The following SLC7A14 variants were observed in gnomAD, a reference collection of about 807,000 sequenced individuals.
SLC7A14 encodes gamma-aminobutyric acid transporter SLC7A14.
SLC7A14 carries 37 observed loss-of-function variants against 60.2 expected under a neutral mutation model. That is an observed-to-expected ratio of 0.61 (90% CI 0.47 to 0.81). The LOEUF is 0.81. Among genes scored for constraint, SLC7A14 ranks in the 30% least tolerant of loss-of-function variants. The probability of loss-of-function intolerance (pLI) is 0.00; values close to 1 mark genes in which losing one functional copy is unlikely to be tolerated. For missense variants in SLC7A14, 886 were observed against 982.7 expected, an observed-to-expected ratio of 0.90 and a Z score of 1.32; for synonymous variants, 399 against 395.8, an observed-to-expected ratio of 1.01 and a Z score of -0.10.
At chr3:170,539,607 A>G (rs989353009) in intron 1 of SLC7A14, among the ~76,000 whole-genome samples, 1 of 152,120 alleles carries the variant, frequency 6.6e-6, no homozygotes, top group African/African-American at 2.4e-5. Flanking sequence ...TTCCCTCTAG[A>G]CTGCAAACTC....
chr3:170,473,622 G>C (rs1441615300), intron 7 of SLC7A14, among the ~76,000 whole-genome samples: 2 of 152,342 alleles, frequency 1.3e-5, no homozygotes, highest in East Asian at 3.9e-4. Flanking sequence ...AGCAGAAAGG[G>C]AGACTGGGTG....
chr3:170,484,110 C>T (rs1711940248), intron 5 of SLC7A14, among the ~76,000 whole-genome samples: 1 of 152,148 alleles, frequency 6.6e-6, no homozygotes, highest in Non-Finnish European at 1.5e-5. Context: ...TCCTAGGATC[C>T]AGGCAGGCCA....
intron 7 of SLC7A14, among the ~76,000 whole-genome samples, chr3:170,476,264 C>A (rs1202998253): frequency 1.3e-5 from 2 of 152,206 alleles, no homozygotes; most frequent in Non-Finnish European, 2.9e-5. Flanking sequence ...GGTTGAGAAT[C>A]TTTGTTCTGG....
At chr3:170,472,729 T>G (rs1577493415) in intron 7 of SLC7A14, among the ~76,000 whole-genome samples, 1 of 150,048 alleles carries the variant, frequency 6.7e-6, no homozygotes, top group East Asian at 2.0e-4. Context: ...ATTGTGCCAC[T>G]GCACTCCAGC....
At chr3:170,516,048 T>C (rs1056872002) in intron 2 of SLC7A14, among the ~76,000 whole-genome samples, 2 of 152,176 alleles carry the variant, frequency 1.3e-5, no homozygotes, top group African/African-American at 2.4e-5. Context: ...TACTAGGTGC[T>C]GCAGAAGATG....
intron 3 of SLC7A14, among the ~76,000 whole-genome samples, chr3:170,500,416 G>C (rs1712566073): frequency 7.2e-6 from 1 of 138,716 alleles, no homozygotes. Flanking sequence ...TCTAGCCTGG[G>C]CAACAGAGCA....
chr3:170,548,930 G>A (rs1714256392), intron 1 of SLC7A14, among the ~76,000 whole-genome samples: 1 of 152,166 alleles, frequency 6.6e-6, no homozygotes, highest in Admixed American at 6.5e-5. Context: ...TAGTTTCTGA[G>A]TTCCATGAAG....
chr3:170,497,731 A>G (rs927649218), intron 4 of SLC7A14, among the ~76,000 whole-genome samples: 1 of 152,240 alleles, frequency 6.6e-6, no homozygotes, highest in African/African-American at 2.4e-5. Context: ...AATCCACAAC[A>G]TAAGTATTTT....
intron 2 of SLC7A14, among the ~76,000 whole-genome samples, chr3:170,510,075 C>CAAAA (rs34579714): frequency 1.3e-5 from 1 of 78,572 alleles, no homozygotes; most frequent in Non-Finnish European, 2.6e-5. Context: ...AACTCTGTCT[C>CAAAA]AAAAAAAAAA....
chr3:170,493,293 A>G (rs1577510273), intron 4 of SLC7A14, among the ~76,000 whole-genome samples: 1 of 152,204 alleles, frequency 6.6e-6, no homozygotes, highest in African/African-American at 2.4e-5. Flanking sequence ...GTAAGTGAGT[A>G]AACCATTCCT....
chr3:170,520,946 C>A (rs779746319), intron 2 of SLC7A14, among the ~76,000 whole-genome samples: 5 of 152,212 alleles, frequency 3.3e-5, no homozygotes, highest in African/African-American at 9.6e-5. Context: ...CTGCCTCCAC[C>A]CTTCAGTCTC....
At chr3:170,483,035 C>G (rs1577501921) in intron 6 of SLC7A14, among the ~76,000 whole-genome samples, 2 of 151,924 alleles carry the variant, frequency 1.3e-5, no homozygotes, top group East Asian at 3.9e-4. Context: ...CAGTTTGGCC[C>G]CATCATCTTC....
chr3:170,520,834 T>A (rs1713320371), intron 2 of SLC7A14, among the ~76,000 whole-genome samples: 1 of 152,190 alleles, frequency 6.6e-6, no homozygotes, highest in Non-Finnish European at 1.5e-5. Flanking sequence ...ACTACTCAAA[T>A]AAGAGCCTCT....
chr3:170,506,363 C>T (rs1038465785), intron 2 of SLC7A14, among the ~76,000 whole-genome samples: 4 of 152,162 alleles, frequency 2.6e-5, no homozygotes, highest in South Asian at 4.1e-4. Flanking sequence ...ATACCCAGAA[C>T]TATTTGTGGT....
rs114207319 is a variant in SLC7A14, at chr3:170,510,806, C to T, written c.305-9461G>A. ...TTTTATGTGGGTGGCTTCAGGTTAT[C>T]ATCAAAGGCCACCTTGGAAGGAAAA... On this transcript the variant is annotated intron_variant, in intron 2 of 7. Coordinates refer to ENST00000231706, the MANE Select transcript of SLC7A14 (RefSeq NM_020949.3). 3.8e-3 allele frequency among the ~76,000 whole-genome samples: 581 copies of T among 152,268 alleles called. 4 individuals carry two copies. Among genetic ancestry groups the T allele is most frequent in the African/African-American group, 0.013 (559 of 41,562 alleles).
At chr3:170,509,287 C>T (rs950082630) in intron 2 of SLC7A14, among the ~76,000 whole-genome samples, 49 of 152,158 alleles carry the variant, frequency 3.2e-4, no homozygotes, top group African/African-American at 1.1e-3. Context: ...ACAGTAACCA[C>T]CTGTGTTTAG....
rs186663171 is a variant in SLC7A14, at chr3:170,478,082, T to A, written c.1993+2207A>T. On this transcript the variant is annotated intron_variant, in intron 7 of 7. Transcript: ENST00000231706. ...AAAAGTTTTAAAATATTAATTTTTTTAAAAAAATTTTTTGAAATGGAGTCT... is the reference window on the plus strand; with the variant it reads ...AAAAGTTTTAAAATATTAATTTTTTAAAAAAAATTTTTTGAAATGGAGTCT... Among the ~76,000 whole-genome samples the A allele has an allele frequency of 2.2e-3, 336 of 152,276 alleles. 2 individuals carry two copies. In the South Asian group the frequency reaches 0.033, roughly 15 times the overall value.
chr3:170,524,366 G>A (rs143061442), intron 2 of SLC7A14, among the ~76,000 whole-genome samples: 1 of 152,308 alleles, frequency 6.6e-6, no homozygotes, highest in African/African-American at 2.4e-5. Flanking sequence ...TGTGAGCAGT[G>A]GAAAAGTCTA....
chr3:170,537,004 G>T (rs957354798), intron 1 of SLC7A14, among the ~76,000 whole-genome samples: 1 of 152,130 alleles, frequency 6.6e-6, no homozygotes, highest in Admixed American at 6.5e-5. Flanking sequence ...ACACTAACTG[G>T]ACTCCTAAGA....
Sources: allele counts gnomAD v4.1 joint callset (sites outside exome capture counted in the v4.1 genomes callset), GRCh38; gene constraint gnomAD v4.1.1; transcripts MANE v1.5; gene names NCBI Gene and HGNC (gene_info 2026-07-23, HGNC 2026-07-21).